The following SENP7 variants were observed in gnomAD, a reference collection of about 807,000 sequenced individuals.
SENP7 encodes the protein sentrin-specific protease 7.
In SENP7, 64 loss-of-function variants were observed where a neutral mutation model predicts 141.2. The observed-to-expected ratio is 0.45, with a 90% confidence interval of 0.37 to 0.56. SENP7 has a LOEUF of 0.56. Among genes scored for constraint, SENP7 ranks in the 20% least tolerant of loss-of-function variants. The probability of loss-of-function intolerance (pLI) is 0.00; values close to 1 mark genes in which losing one functional copy is unlikely to be tolerated. For missense variants in SENP7, 1,025 were observed against 1,212.2 expected, an observed-to-expected ratio of 0.85 and a Z score of 2.29; for synonymous variants, 382 against 426.4, an observed-to-expected ratio of 0.90 and a Z score of 1.28.
intron 11 of SENP7, among the ~76,000 whole-genome samples, chr3:101,356,500 C>A (rs2059746351): frequency 6.6e-6 from 1 of 152,086 alleles, no homozygotes; most frequent in Admixed American, 6.6e-5. Context: ...AAAATCTACT[C>A]CCTTTAAAGT....
At chr3:101,344,833 G>C (rs1175997868) in intron 13 of SENP7, among the ~76,000 whole-genome samples, 1 of 151,594 alleles carries the variant, frequency 6.6e-6, no homozygotes. Context: ...CATGACCAAG[G>C]GCAAGAAACT....
intron 4 of SENP7, among the ~76,000 whole-genome samples, chr3:101,432,129 A>C (rs2107721662): frequency 6.6e-6 from 1 of 152,278 alleles, no homozygotes; most frequent in African/African-American, 2.4e-5. Flanking sequence ...TCGGGCCTTA[A>C]GGGAAATTGT....
At chr3:101,417,150 C>T (rs556851748) in intron 5 of SENP7, among the ~76,000 whole-genome samples, 1 of 151,932 alleles carries the variant, frequency 6.6e-6, no homozygotes, top group African/African-American at 2.4e-5. Flanking sequence ...AATACAAGCT[C>T]AAAAAAGTCA....
intron 2 of SENP7, among the ~76,000 whole-genome samples, chr3:101,495,766 C>A (rs2065137778): frequency 6.6e-6 from 1 of 152,118 alleles, no homozygotes; most frequent in Non-Finnish European, 1.5e-5. Flanking sequence ...GAGGGAGCAT[C>A]AGGAAGAATA....
chr3:101,379,893 C>A (rs2060446659), intron 6 of SENP7, among the ~76,000 whole-genome samples: 1 of 152,270 alleles, frequency 6.6e-6, no homozygotes, highest in South Asian at 2.1e-4. Context: ...AATGGCATTA[C>A]ACACAATAGC....
intron 4 of SENP7, chr3:101,457,205 ACTT>A: frequency 6.9e-7 from 1 of 1,458,246 alleles, no homozygotes; most frequent in Non-Finnish European, 9.6e-7. Flanking sequence ...GCTCCCAGTA[ACTT>A]CTTCAAGTTT....
At chr3:101,453,210 G>A (rs907174776) in intron 4 of SENP7, among the ~76,000 whole-genome samples, 22 of 152,132 alleles carry the variant, frequency 1.4e-4, no homozygotes, top group South Asian at 2.1e-4. Flanking sequence ...AAAAAGTCAG[G>A]AAACAACAGG....
At chr3:101,400,035 A>G (rs1373647023) in intron 5 of SENP7, among the ~76,000 whole-genome samples, 1 of 152,220 alleles carries the variant, frequency 6.6e-6, no homozygotes, top group Non-Finnish European at 1.5e-5. Context: ...ATATATAAAG[A>G]AGTACATTTG....
intron 3 of SENP7, among the ~76,000 whole-genome samples, chr3:101,459,725 C>T (rs1364155998): frequency 6.6e-6 from 1 of 152,114 alleles, no homozygotes; most frequent in Non-Finnish European, 1.5e-5. Context: ...AGACTGTCTT[C>T]ATAAAAGAGA....
At chr3:101,414,641 T>G in intron 5 of SENP7, 1 of 1,525,312 alleles carries the variant, frequency 6.6e-7, no homozygotes, top group Non-Finnish European at 9.1e-7. Flanking sequence ...TAAAAGTCTT[T>G]GCCAGTGGCC....
chr3:101,435,970 A>G (rs1048500781), intron 4 of SENP7, among the ~76,000 whole-genome samples: 3 of 152,186 alleles, frequency 2.0e-5, no homozygotes, highest in East Asian at 1.9e-4. Flanking sequence ...AGGCAAAGCT[A>G]TCTTGAGCAA....
intron 4 of SENP7, among the ~76,000 whole-genome samples, chr3:101,418,618 A>G (rs533557044): frequency 1.2e-4 from 19 of 152,236 alleles, no homozygotes; most frequent in Middle Eastern, 3.4e-3. Flanking sequence ...TGTTTGCTTA[A>G]CAAACACAAG....
chr3:101,453,301 A>G (rs951577012), intron 4 of SENP7, among the ~76,000 whole-genome samples: 6 of 152,252 alleles, frequency 3.9e-5, no homozygotes, highest in East Asian at 3.8e-4. Context: ...TGTGGAAGTC[A>G]GTGTGGCGAT....
At chr3:101,429,064 A>C (rs1355163762) in intron 4 of SENP7, among the ~76,000 whole-genome samples, 6 of 152,166 alleles carry the variant, frequency 3.9e-5, no homozygotes, top group Non-Finnish European at 4.4e-5. Flanking sequence ...CTGTTTTGGT[A>C]CCAGTACCAT....
intron 6 of SENP7, among the ~76,000 whole-genome samples, chr3:101,394,817 C>CT (rs2060922064): frequency 1.3e-5 from 2 of 151,952 alleles, no homozygotes; most frequent in African/African-American, 4.8e-5. Flanking sequence ...ATCTGCTATT[C>CT]TTTGTCTTTC....
At chr3:101,379,519 A>T (rs1363632713) in intron 6 of SENP7, among the ~76,000 whole-genome samples, 1 of 152,202 alleles carries the variant, frequency 6.6e-6, no homozygotes, top group East Asian at 1.9e-4. Flanking sequence ...AAAGCAGGCA[A>T]AGTACTTGAA....
chr3:101,414,685 AG>A (rs2061558686), intron 5 of SENP7: 1 of 1,044,860 alleles, frequency 9.6e-7, no homozygotes, highest in South Asian at 1.6e-5. Context: ...ATTTTTTATA[AG>A]GCATTTGGGA....
intron 7 of SENP7, 75 bp from the exon 8 acceptor site, chr3:101,368,086 C>T: frequency 8.8e-7 from 1 of 1,132,424 alleles, no homozygotes; most frequent in Non-Finnish European, 1.3e-6. Context: ...CTCGAAGTAA[C>T]ATCATCAGGA....
At chr3:101,336,039 A>T (rs2059176333) in intron 17 of SENP7, among the ~76,000 whole-genome samples, 1 of 152,208 alleles carries the variant, frequency 6.6e-6, no homozygotes, top group African/African-American at 2.4e-5. Context: ...GCCTCCTATT[A>T]TTCTCACAAG....
Sources: gnomAD v4.1 joint callset for allele counts (sites outside exome capture counted in the v4.1 genomes callset) on GRCh38, gnomAD v4.1.1 for gene constraint, MANE v1.5 for transcripts, NCBI Gene and HGNC (gene_info 2026-07-23, HGNC 2026-07-21) for gene names.